ZDHHC15: variants seen among roughly 807,000 people sequenced by gnomAD.
The protein encoded by ZDHHC15 is palmitoyltransferase ZDHHC15.
In ZDHHC15, 19 loss-of-function variants were observed where a neutral mutation model predicts 31.7. The observed-to-expected ratio is 0.60, with a 90% CI of 0.42 to 0.88. The LOEUF is 0.88. Among genes scored for constraint, ZDHHC15 ranks in the 40% least tolerant of loss-of-function variants. The pLI, the probability that ZDHHC15 is intolerant of heterozygous loss-of-function variation, is 0.00. For missense variants in ZDHHC15, 209 were observed against 251.2 expected, an observed-to-expected ratio of 0.83 and a Z score of 1.14; for synonymous variants, 103 against 90.0, an observed-to-expected ratio of 1.14 and a Z score of -0.82.
chrX:75,459,171 C>T (rs56166350), intron 3 of ZDHHC15, among the ~76,000 whole-genome samples: 3,871 of 109,593 alleles, frequency 0.035, 73 homozygotes, highest in Non-Finnish European at 0.056. Context: ...GGAGTCATGG[C>T]AGAGCAGCTG....
At chrX:75,474,348 G>T (rs1420489180) in intron 3 of ZDHHC15, among the ~76,000 whole-genome samples, 1 of 108,351 alleles carries the variant, frequency 9.2e-6, no homozygotes. Flanking sequence ...TTGGGATTCA[G>T]ACTGGCTTTC....
Position 75,407,484 on chromosome X carries a change from G to A in ZDHHC15, c.967+9603C>T, listed in dbSNP as rs1274405070. Among the ~76,000 whole-genome samples the A allele has an allele frequency of 1.8e-4, 18 of 101,595 alleles. No individual in the cohort carries two copies. The East Asian group carries it at 3.5e-3, about 20-fold the overall frequency. 88.2% of individuals were successfully genotyped at this position (101,595 alleles called of 115,157 possible). On this transcript the variant is annotated intron_variant, in intron 10 of 11. Coordinates refer to ENST00000373367, the MANE Select transcript of ZDHHC15 (RefSeq NM_144969.3). ...GGTCAGCCACCCCGCCTGGCCAGCC[G>A]CCCCGTCCGGGAGGGAGGTGGGGGG...
intron 8 of ZDHHC15, among the ~76,000 whole-genome samples, chrX:75,423,687 T>C (rs1431071812): frequency 9.4e-6 from 1 of 106,308 alleles, no homozygotes; most frequent in East Asian, 2.9e-4. Context: ...GATGGGGTTT[T>C]GTTATGTTGC....
At chrX:75,483,162 G>A (rs1412372209) in intron 2 of ZDHHC15, among the ~76,000 whole-genome samples, 25 of 108,426 alleles carry the variant, frequency 2.3e-4, no homozygotes, top group Non-Finnish European at 4.6e-4. Flanking sequence ...ATGTGTGAAA[G>A]TATCTGACAT....
At chrX:75,492,456 A>T (rs904928480) in intron 2 of ZDHHC15, among the ~76,000 whole-genome samples, 1 of 111,404 alleles carries the variant, frequency 9.0e-6, no homozygotes, top group African/African-American at 3.3e-5. Flanking sequence ...AGAACTCTCC[A>T]CCCCAAGTCA....
chrX:75,460,073 C>A (rs1257638845), intron 3 of ZDHHC15, among the ~76,000 whole-genome samples: 1 of 112,087 alleles, frequency 8.9e-6, no homozygotes, highest in Non-Finnish European at 1.9e-5. Context: ...TGGGGTTTCT[C>A]CATGTTGGTC....
intron 1 of ZDHHC15, among the ~76,000 whole-genome samples, chrX:75,517,469 C>T (rs1260446073): frequency 9.3e-6 from 1 of 107,281 alleles, no homozygotes; most frequent in Non-Finnish European, 1.9e-5. Flanking sequence ...CCATCATTCT[C>T]AGCAAACTAT....
chrX:75,424,507 A>T, intron 8 of ZDHHC15, 145 bp downstream of exon 8: 1 of 591,759 alleles, frequency 1.7e-6, no homozygotes, highest in South Asian at 5.5e-5. Flanking sequence ...TTTCGGTAAA[A>T]TGTATTTTCA....
rs761043640 is a variant in ZDHHC15 at position 75,484,377 on chromosome X, C to G, written c.164-5392G>C. 3.6e-5 allele frequency among the ~76,000 whole-genome samples: 4 copies of G among 111,258 alleles called. No individual in the cohort carries two copies. The South Asian group carries it at 1.1e-3, about 31-fold the overall frequency. Reference sequence around the variant, plus strand: ...GTTATAGCTCAATAATAAGACAACTCAATAAAAAAAGGAAAAAGACTAAAC... The same window carrying G: ...GTTATAGCTCAATAATAAGACAACTGAATAAAAAAAGGAAAAAGACTAAAC... On this transcript the variant is annotated intron_variant, in intron 2 of 11. Transcript: ENST00000373367.
chrX:75,476,142 T>C (rs2084600863), intron 3 of ZDHHC15, among the ~76,000 whole-genome samples: 1 of 111,593 alleles, frequency 9.0e-6, no homozygotes, highest in South Asian at 3.7e-4. Context: ...GTTTTCTATA[T>C]GTAAGATCAT....
At chrX:75,418,193 G>A (rs1301348022) in intron 9 of ZDHHC15, among the ~76,000 whole-genome samples, 2 of 111,680 alleles carry the variant, frequency 1.8e-5, no homozygotes, top group Non-Finnish European at 3.8e-5. Context: ...GTTTTGCCTT[G>A]TGATTTATAG....
At chrX:75,422,348 A>T (rs942141405) in intron 8 of ZDHHC15, among the ~76,000 whole-genome samples, 7 of 112,052 alleles carry the variant, frequency 6.2e-5, no homozygotes, top group Non-Finnish European at 1.1e-4. Flanking sequence ...TTTGAATCTA[A>T]GCGGCAACAA....
intron 4 of ZDHHC15, among the ~76,000 whole-genome samples, chrX:75,435,126 G>T (rs1030977131): frequency 9.0e-6 from 1 of 111,683 alleles, no homozygotes; most frequent in African/African-American, 3.3e-5. Context: ...TGGAGTTCTT[G>T]ATTTGATTCT....
chrX:75,473,031 A>G (rs920445887), intron 3 of ZDHHC15, among the ~76,000 whole-genome samples: 2 of 111,926 alleles, frequency 1.8e-5, no homozygotes, highest in African/African-American at 6.5e-5. Context: ...CTGTCAATAC[A>G]ATACATGGAC....
intron 1 of ZDHHC15, among the ~76,000 whole-genome samples, chrX:75,516,371 C>G (rs1035386665): frequency 8.9e-6 from 1 of 112,048 alleles, no homozygotes; most frequent in Non-Finnish European, 1.9e-5. Context: ...CAGTATAGTA[C>G]TGGTACCAAA....
chrX:75,449,746 T>C (rs1349799310), intron 4 of ZDHHC15, among the ~76,000 whole-genome samples: 1 of 112,329 alleles, frequency 8.9e-6, no homozygotes, highest in African/African-American at 3.2e-5. Flanking sequence ...GTAAACTTTC[T>C]AAAGCCTTGA....
intron 2 of ZDHHC15, among the ~76,000 whole-genome samples, chrX:75,499,138 A>G (rs1171981613): frequency 1.8e-5 from 2 of 111,689 alleles, no homozygotes; most frequent in East Asian, 5.6e-4. Context: ...TCAACTCAAG[A>G]TGGATCAAAG....
At chrX:75,505,741 C>T in intron 2 of ZDHHC15, 80 bp downstream of exon 2, 1 of 1,129,092 alleles carries the variant, frequency 8.9e-7, no homozygotes. Context: ...ATTGCTCGGT[C>T]TATAGGCTTT....
Position 75,465,247 on chromosome X carries a change from A to G in ZDHHC15, c.258+13644T>C, listed in dbSNP as rs181812018. Among the ~76,000 whole-genome samples the G allele has an allele frequency of 5.3e-3, 598 of 111,999 alleles. 1 individual carries two copies. The highest frequency in any genetic ancestry group is 8.6e-3 in the Non-Finnish European group (456 of 53,233). Reference sequence around the variant, plus strand: ...AAAATACCTAGGAATACAGCTAACAAGAGAAGTGAAAGACTTCTTCAAGGA... The same window carrying G: ...AAAATACCTAGGAATACAGCTAACAGGAGAAGTGAAAGACTTCTTCAAGGA... On this transcript the variant is annotated intron_variant, in intron 3 of 11. Transcript: ENST00000373367.
Sources: allele counts gnomAD v4.1 joint callset (sites outside exome capture counted in the v4.1 genomes callset), GRCh38; gene constraint gnomAD v4.1.1; transcripts MANE v1.5; gene names NCBI Gene and HGNC (gene_info 2026-07-23, HGNC 2026-07-21).